The following PCDH11X variants were observed in gnomAD, a reference collection of about 807,000 sequenced individuals.
PCDH11X encodes the protein protocadherin 11 X-linked.
A neutral mutation model predicts 53.3 loss-of-function variants in PCDH11X; 18 were observed. That is an observed-to-expected ratio of 0.34 (90% CI 0.23 to 0.50). The LOEUF (loss-of-function observed/expected upper bound fraction) is 0.50, where lower values mean the gene tolerates loss of function less well. PCDH11X is among the 20% of genes least tolerant of loss of function. The probability of loss-of-function intolerance (pLI) is 0.98; values close to 1 mark genes in which losing one functional copy is unlikely to be tolerated. For synonymous variants in PCDH11X, 279 were observed against 393.3 expected, an observed-to-expected ratio of 0.71 and a Z score of 3.44; for missense variants, 570 against 1,032.4, an observed-to-expected ratio of 0.55 and a Z score of 6.14.
At chrX:92,459,864 G>T (rs1285405061) in intron 9 of PCDH11X, 3 of 1,118,186 alleles carry the variant, frequency 2.7e-6, no homozygotes, top group Non-Finnish European at 3.6e-6. Context: ...TGGCCGCGGG[G>T]ATGGCTGGGG....
chrX:92,091,723 C>A (rs2064051510), intron 6 of PCDH11X, among the ~76,000 whole-genome samples: 1 of 111,232 alleles, frequency 9.0e-6, no homozygotes, highest in African/African-American at 3.3e-5. Flanking sequence ...GGCCTGGGAT[C>A]AATAGAAAGG....
chrX:92,260,415 C>G (rs2067690938), intron 7 of PCDH11X, among the ~76,000 whole-genome samples: 1 of 110,868 alleles, frequency 9.0e-6, no homozygotes, highest in Admixed American at 9.6e-5. Flanking sequence ...TGTGTTCTCC[C>G]TCCCCCAGCA....
At chrX:92,034,670 A>T (rs1034223894) in intron 6 of PCDH11X, among the ~76,000 whole-genome samples, 1 of 110,106 alleles carries the variant, frequency 9.1e-6, no homozygotes, top group African/African-American at 3.3e-5. Flanking sequence ...TCAACACATC[A>T]TTGGGAATTG....
chrX:91,788,633 C>T (rs192483946), intron 1 of PCDH11X, among the ~76,000 whole-genome samples: 3 of 112,059 alleles, frequency 2.7e-5, no homozygotes, highest in Non-Finnish European at 5.6e-5. Context: ...GGCATATGTG[C>T]GTTTGTTAGG....
At chrX:92,581,089 T>C (rs1205613935) in intron 10 of PCDH11X, among the ~76,000 whole-genome samples, 1 of 111,653 alleles carries the variant, frequency 9.0e-6, no homozygotes, top group Non-Finnish European at 1.9e-5. Flanking sequence ...TAGTAGGATT[T>C]TTTAACATGT....
intron 1 of PCDH11X, among the ~76,000 whole-genome samples, chrX:91,806,376 C>A (rs1040863897): frequency 8.8e-6 from 1 of 113,456 alleles, no homozygotes; most frequent in African/African-American, 3.2e-5. Context: ...TCTTAGACAT[C>A]TTAAATTCTC....
At chrX:92,228,568 C>T (rs2067011585) in intron 7 of PCDH11X, among the ~76,000 whole-genome samples, 1 of 111,216 alleles carries the variant, frequency 9.0e-6, no homozygotes. Flanking sequence ...ACTAACTATA[C>T]AACAATGGGC....
intron 6 of PCDH11X, among the ~76,000 whole-genome samples, chrX:92,086,897 C>A (rs1387718787): frequency 1.1e-4 from 12 of 108,798 alleles, no homozygotes; most frequent in Non-Finnish European, 1.9e-4. Context: ...ACATAATAAG[C>A]AAATTGCAAT....
chrX:91,855,174 A>G (rs1224419590), intron 5 of PCDH11X, among the ~76,000 whole-genome samples: 1 of 111,806 alleles, frequency 8.9e-6, no homozygotes, highest in Non-Finnish European at 1.9e-5. Context: ...TGATTTTTCT[A>G]TATGGTGAGA....
At chrX:91,912,179 A>C (rs889878728) in intron 6 of PCDH11X, among the ~76,000 whole-genome samples, 10 of 110,734 alleles carry the variant, frequency 9.0e-5, no homozygotes, top group Non-Finnish European at 1.7e-4. Flanking sequence ...TTTTTGCTGG[A>C]CTCCTTAGTT....
At chrX:91,981,081 A>G (rs1869289773) in intron 6 of PCDH11X, among the ~76,000 whole-genome samples, 1 of 103,904 alleles carries the variant, frequency 9.6e-6, no homozygotes, top group Non-Finnish European at 1.9e-5. Flanking sequence ...TACACTGAAT[A>G]TATATATACA....
chrX:92,260,243 C>T (rs771583217), intron 7 of PCDH11X, among the ~76,000 whole-genome samples: 9 of 111,277 alleles, frequency 8.1e-5, no homozygotes, highest in South Asian at 7.7e-4. Flanking sequence ...CCATAGGTGG[C>T]GATGTTTGCA....
At chrX:92,053,820 C>T (rs1374752565) in intron 6 of PCDH11X, among the ~76,000 whole-genome samples, 3 of 111,183 alleles carry the variant, frequency 2.7e-5, no homozygotes, top group East Asian at 5.7e-4. Context: ...CCACTTGCCT[C>T]GGCCTCCCAA....
chrX:92,022,697 C>A (rs1046418983), intron 6 of PCDH11X, among the ~76,000 whole-genome samples: 1 of 110,785 alleles, frequency 9.0e-6, no homozygotes, highest in Admixed American at 9.7e-5. Flanking sequence ...GAACTCTCCA[C>A]CAAAAATCAA....
At chrX:92,276,681 G>A (rs2068100449) in intron 8 of PCDH11X, among the ~76,000 whole-genome samples, 1 of 111,925 alleles carries the variant, frequency 8.9e-6, no homozygotes, top group African/African-American at 3.2e-5. Context: ...TGAAGGTGAG[G>A]TTAATCAAGT....
chrX:92,213,402 A>G (rs1241126777), intron 7 of PCDH11X, among the ~76,000 whole-genome samples: 1 of 111,889 alleles, frequency 8.9e-6, no homozygotes, highest in East Asian at 2.8e-4. Flanking sequence ...GCCTCAGTTG[A>G]GGAAACTGAG....
At chrX:92,282,851 C>T (rs193233949) in intron 8 of PCDH11X, among the ~76,000 whole-genome samples, 142 of 111,107 alleles carry the variant, frequency 1.3e-3, no homozygotes, top group Non-Finnish European at 6.4e-4. Context: ...TGCTATTTCC[C>T]GTAATGCTAA....
At chrX:92,178,544 A>C (rs745994761) in intron 6 of PCDH11X, among the ~76,000 whole-genome samples, 2 of 112,084 alleles carry the variant, frequency 1.8e-5, no homozygotes, top group East Asian at 5.6e-4. Context: ...ACATTGAACT[A>C]CATCATCTCT....
At chrX:92,008,324 C>G (rs1387898125) in intron 6 of PCDH11X, among the ~76,000 whole-genome samples, 1 of 110,861 alleles carries the variant, frequency 9.0e-6, no homozygotes, top group African/African-American at 3.3e-5. Context: ...CAGGTATGGA[C>G]CTCTGGTTTC....
Sources: allele counts gnomAD v4.1 joint callset (sites outside exome capture counted in the v4.1 genomes callset), GRCh38; gene constraint gnomAD v4.1.1; transcripts MANE v1.5; gene names NCBI Gene and HGNC (gene_info 2026-07-23, HGNC 2026-07-21).